EOGT: variants seen among roughly 807,000 people sequenced by gnomAD.
EOGT encodes the protein EGF domain-specific O-linked N-acetylglucosamine transferase.
Under a neutral mutation model 70.5 loss-of-function variants are expected in EOGT, and 55 were observed. That is an observed-to-expected ratio of 0.78 (90% CI 0.63 to 0.98). The LOEUF is 0.98. EOGT is among the 50% of genes least tolerant of loss of function. The pLI, the probability that EOGT is intolerant of heterozygous loss-of-function variation, is 0.00. For synonymous variants in EOGT, 246 were observed against 217.1 expected (o/e 1.13, Z -1.17); for missense variants, 703 against 641.9 (o/e 1.10, Z -1.03).
chr3:68,987,531 C>A lies in EOGT; in HGVS notation c.1084-18G>T. On this transcript the variant is annotated intron_variant, in intron 13 of 17. Coordinates refer to ENST00000383701, the MANE Select transcript of EOGT (RefSeq NM_001278689.2). ...TTTCCATCCTGTAATCAAAATGAAA[C>A]GGTAAAATAACACTGCATATGCCTG... 1 of 1,599,986 alleles carries A rather than the reference C, an allele frequency of 6.3e-7. No homozygotes were observed. Among genetic ancestry groups the A allele is most frequent in the Non-Finnish European group, 8.6e-7 (1 of 1,167,622 alleles).
rs190129672 is a variant in EOGT at position 68,985,697 on chromosome 3, A to G, written c.1152+1748T>C. Among the ~76,000 whole-genome samples, 9 of 152,352 alleles carry G rather than the reference A, an allele frequency of 5.9e-5. No homozygotes were observed. In the East Asian group the frequency reaches 1.7e-3, roughly 29 times the overall value. On this transcript the variant is annotated intron_variant, in intron 14 of 17. Transcript: ENST00000383701. ...GGCTAAACACTCTCCCCTGGGCCACAATAACAACTTCTGATCAATCTCCTT... is the reference window on the plus strand; with the variant it reads ...GGCTAAACACTCTCCCCTGGGCCACGATAACAACTTCTGATCAATCTCCTT...
intron 14 of EOGT, among the ~76,000 whole-genome samples, chr3:68,986,320 G>A (rs2090806351): frequency 6.6e-6 from 1 of 152,110 alleles, no homozygotes; most frequent in Non-Finnish European, 1.5e-5. Flanking sequence ...CAGGGATTTG[G>A]ATGTGGACAT....
At position 68,988,953 on chromosome 3, in the gene EOGT, A is replaced by C. The variant is rs2090898132; in HGVS notation, c.896T>G (p.Ile299Arg). 2.0e-6 allele frequency: 3 copies of C among 1,530,172 alleles called. No homozygotes were observed. In the East Asian group the frequency reaches 7.4e-5, roughly 38 times the overall value. The allele number at this position is 1,530,172 out of a possible 1,614,324, so 94.8% of individuals were successfully genotyped here. A position where few individuals can be genotyped will look rare whatever the true frequency, so the allele number is the denominator to read the frequency against. Residue 299 changes from isoleucine (I) to arginine (R), a missense_variant, in exon 11 of 18, where the codon ATA becomes AGA. Physicochemically the swap from Ile to Arg is moderately conservative, Grantham distance 97. Transcript: ENST00000383701. ...TTTGGAATCATAAGTTTTCAAATGT[A>C]TAACGTCATAATCAGTAAATGCATT... ...TWNAFTDYDV[I>R]HLKTYDSKRV... is the part of the protein sequence containing the mutation.
chr3:69,013,137 C>T (rs1026160407), intron 1 of EOGT, among the ~76,000 whole-genome samples: 2 of 152,048 alleles, frequency 1.3e-5, no homozygotes, highest in African/African-American at 4.8e-5. Flanking sequence ...AGCACCCCGC[C>T]GCGGCTGAGA....
Position 68,988,925 on chromosome 3 carries a change from C to T in EOGT, c.924G>A (p.Arg308=). The T allele has an allele frequency of 6.7e-7, 1 of 1,495,054 alleles. No homozygotes were observed. Among genetic ancestry groups the T allele is most frequent in the South Asian group, 1.2e-5 (1 of 80,540 alleles). 92.6% of individuals were successfully genotyped at this position (1,495,054 alleles called of 1,614,324 possible). ...VIHLKTYDSK[R]VCFKEAVFSL... ...GACATTTCAGGAAAATTTCCAGTAC[C>T]CTTTTGGAATCATAAGTTTTCAAAT... The change falls in exon 11 of 18, where the codon AGG becomes AGA. Residue 308 remains arginine, a splice_region_variant and synonymous_variant. Coordinates refer to ENST00000383701, the MANE Select transcript of EOGT (RefSeq NM_001278689.2).
intron 14 of EOGT, among the ~76,000 whole-genome samples, chr3:68,984,257 C>G (rs1028025082): frequency 6.6e-6 from 1 of 151,922 alleles, no homozygotes; most frequent in Non-Finnish European, 1.5e-5. Context: ...ACAGTCATAA[C>G]ATGGAAATTT....
chr3:68,995,678 G>T (rs924995599), intron 10 of EOGT, among the ~76,000 whole-genome samples: 1 of 152,178 alleles, frequency 6.6e-6, no homozygotes, highest in African/African-American at 2.4e-5. Context: ...CAGGTACAAG[G>T]AAGCTTCTGG....
At chr3:68,998,704 A>G (rs1315101873) in intron 9 of EOGT, among the ~76,000 whole-genome samples, 1 of 152,000 alleles carries the variant, frequency 6.6e-6, no homozygotes, top group Non-Finnish European at 1.5e-5. Flanking sequence ...AAATACAAAA[A>G]TTAGGCAGGC....
intron 9 of EOGT, 107 bp downstream of exon 9, chr3:69,001,501 T>A (rs2091291685): frequency 1.5e-6 from 1 of 658,700 alleles, no homozygotes; most frequent in African/African-American, 1.9e-5. Flanking sequence ...ACAAATCTAC[T>A]GTTTGTCATA....
chr3:68,980,845 A>AACATGTT (rs1173012541), intron 15 of EOGT, among the ~76,000 whole-genome samples: 8 of 152,216 alleles, frequency 5.3e-5, no homozygotes, highest in Non-Finnish European at 7.3e-5. Context: ...TCCCCATGCC[A>AACATGTT]ACATGTTACT....
rs749254182 is a variant in EOGT at position 69,008,457 on chromosome 3, G to A, written c.282C>T (p.Tyr94=). Residue 94 remains tyrosine (Y), a synonymous_variant, in exon 5 of 18, where the codon TAC becomes TAT. Transcript: ENST00000383701. ...KSCKPEFRFG[Y]PVCSYVDMGW... ...CCATGTCGACATAGCTGCAAACTGG[G>A]TAACCAAACCTGAACTCTGGTTTGC... 6.2e-7 allele frequency: 1 copy of A among 1,614,040 alleles called. No homozygotes were observed. Among genetic ancestry groups the A allele is most frequent in the Non-Finnish European group, 8.5e-7 (1 of 1,179,966 alleles).
intron 13 of EOGT, chr3:68,987,936 G>A: frequency 6.0e-6 from 2 of 330,634 alleles, no homozygotes; most frequent in Non-Finnish European, 1.1e-5. Flanking sequence ...TTTTGTTTTG[G>A]GGCAGTCTTG....
intron 15 of EOGT, among the ~76,000 whole-genome samples, chr3:68,981,333 T>C (rs894924668): frequency 2.0e-5 from 3 of 152,306 alleles, no homozygotes; most frequent in South Asian, 4.1e-4. Flanking sequence ...TAGAGATTTA[T>C]TGCACAAATG....
At chr3:68,978,172 C>T (rs1440188846) in intron 17 of EOGT, among the ~76,000 whole-genome samples, 161 bp downstream of exon 17, 1 of 152,196 alleles carries the variant, frequency 6.6e-6, no homozygotes, top group East Asian at 1.9e-4. Flanking sequence ...CTTAATTCCC[C>T]TTTTTCTCCT....
rs796148218 is a variant in EOGT, at chr3:69,004,661, G to GT, written c.516-180dup. Among the ~76,000 whole-genome samples, 5 of 152,202 alleles carry GT rather than the reference G, an allele frequency of 3.3e-5. 1 individual carries two copies. The highest frequency in any genetic ancestry group is 1.2e-4 in the African/African-American group (5 of 41,534). ...AACAGAATCCTATCAGGACCCTAAT[G>GT]TATCCACAACCCAACTTTGCAATGC... On this transcript the variant is annotated intron_variant, in intron 7 of 17. Coordinates refer to ENST00000383701, the MANE Select transcript of EOGT (RefSeq NM_001278689.2).
chr3:68,985,281 A>G (rs1441044368), intron 14 of EOGT, among the ~76,000 whole-genome samples: 2 of 152,066 alleles, frequency 1.3e-5, no homozygotes, highest in Non-Finnish European at 2.9e-5. Context: ...CACACTGCTC[A>G]TTTCTTCCAT....
At position 69,009,681 on chromosome 3, in the gene EOGT, G is replaced by A; in HGVS notation, c.166C>T (p.His56Tyr). 2 of 1,613,956 alleles carry A rather than the reference G, an allele frequency of 1.2e-6. No individual in the cohort carries two copies. Among genetic ancestry groups the A allele is most frequent in the African/African-American group, 1.3e-5 (1 of 74,962 alleles). ...HIPFFLHNNR[H>Y]IATVCRKDSL... The stretch of plus-strand genomic sequence containing the variant: ...TCTTTCCTACAGACAGTGGCAATAT[G>A]CCTATTGTTGTGCAAAAAGAAGGGA... The change falls in exon 4 of 18, where the codon CAT (histidine) becomes TAT (tyrosine). Residue 56 changes from histidine (H) to tyrosine (Y), a missense_variant. Transcript: ENST00000383701.
At position 68,978,338 on chromosome 3, in the gene EOGT, C is replaced by G; in HGVS notation, c.1432G>C (p.Asp478His). 1 of 1,610,922 alleles carries G rather than the reference C, an allele frequency of 6.2e-7. No individual in the cohort carries two copies. Among genetic ancestry groups the G allele is most frequent in the Non-Finnish European group, 8.5e-7 (1 of 1,178,590 alleles). Reference protein sequence around the residue: ...WRRQNKVFPQDKGHHPTLGEH... With the variant: ...WRRQNKVFPQHKGHHPTLGEH... Reference sequence around the variant, plus strand: ...GTTTTGTGATTGAACTTTACCTTATCCTGAGGAAAGACTTTGTTCTGCCGT... The same window carrying G: ...GTTTTGTGATTGAACTTTACCTTATGCTGAGGAAAGACTTTGTTCTGCCGT... Residue 478 changes from aspartate (D) to histidine (H), a missense_variant, in exon 17 of 18, where the codon GAT becomes CAT. Asp to His is a moderately conservative substitution (Grantham distance 81). Transcript: ENST00000383701.
At chr3:69,010,493 C>T (rs2091550247) in intron 3 of EOGT, among the ~76,000 whole-genome samples, 1 of 152,202 alleles carries the variant, frequency 6.6e-6, no homozygotes, top group Admixed American at 6.5e-5. Flanking sequence ...CGCAAATCTG[C>T]AGCTTCCCAG....
Sources: allele counts gnomAD v4.1 joint callset (sites outside exome capture counted in the v4.1 genomes callset), GRCh38; gene constraint gnomAD v4.1.1; transcripts MANE v1.5; gene names NCBI Gene and HGNC (gene_info 2026-07-23, HGNC 2026-07-21).